Variants in UBE3C observed in about 807,000 individuals in gnomAD.
UBE3C encodes ubiquitin-protein ligase E3C.
Under a neutral mutation model 129.4 loss-of-function variants are expected in UBE3C, and 42 were observed. The observed-to-expected ratio is 0.32, with a 90% confidence interval of 0.25 to 0.42. UBE3C has a LOEUF of 0.42. Ranked by LOEUF, UBE3C falls within the 10% of genes least tolerant of loss-of-function variation. The pLI, the probability that UBE3C is intolerant of heterozygous loss-of-function variation, is 1.00. For synonymous variants in UBE3C, 510 were observed against 492.4 expected (o/e 1.04, Z -0.47); for missense variants, 1,049 against 1,319.1 (o/e 0.80, Z 3.17).
intron 1 of UBE3C, among the ~76,000 whole-genome samples, chr7:157,153,198 AAAAAC>A (rs796769924): frequency 1.7e-4 from 26 of 152,278 alleles, no homozygotes; most frequent in Middle Eastern, 3.4e-3. Flanking sequence ...ACTCCCTCTC[AAAAAC>A]AAAACAAAAC....
chr7:157,217,285 T>C (rs1181586180), intron 14 of UBE3C: 3 of 194,160 alleles, frequency 1.5e-5, no homozygotes, highest in Non-Finnish European at 3.1e-5. Flanking sequence ...ATATGTCTAG[T>C]ATTTAAAAGA....
chr7:157,262,326 T>C (rs1038650932), intron 22 of UBE3C, among the ~76,000 whole-genome samples: 1 of 151,448 alleles, frequency 6.6e-6, no homozygotes, highest in South Asian at 2.1e-4. Context: ...ATGCCACATA[T>C]ATATTTTTTA....
chr7:157,246,557 T>TG (rs990846383), intron 18 of UBE3C, among the ~76,000 whole-genome samples: 4 of 152,206 alleles, frequency 2.6e-5, no homozygotes, highest in African/African-American at 9.7e-5. Context: ...GGTAGCACCA[T>TG]AGCACTTGAA....
intron 18 of UBE3C, among the ~76,000 whole-genome samples, chr7:157,235,516 T>A (rs1796131804): frequency 2.0e-5 from 3 of 152,372 alleles, no homozygotes; most frequent in Admixed American, 2.0e-4. Context: ...CTCCTCTGTT[T>A]ATTGACATAT....
Position 157,186,912 on chromosome 7 carries a change from C to T in UBE3C, c.1222C>T (p.Leu408=), listed in dbSNP as rs1808821419. 1.2e-6 allele frequency: 2 copies of T among 1,614,162 alleles called. No individual in the cohort carries two copies. The highest frequency in any genetic ancestry group is 2.2e-5 in the East Asian group (1 of 44,872). The change falls in exon 10 of 23, where the codon CTG becomes TTG. Residue 408 remains leucine, a synonymous_variant. Transcript: ENST00000348165. ...GGACACAAAGCAGCAGACCAACACC[C>T]TGCTCAACCTGGTGTGGAGGGACTC... ...KLDTKQQTNT[L]LNLVWRDSAS... is the part of the protein sequence containing the mutation.
At chr7:157,190,003 G>A (rs1808912709) in intron 10 of UBE3C, among the ~76,000 whole-genome samples, 2 of 152,152 alleles carry the variant, frequency 1.3e-5, no homozygotes, top group South Asian at 4.1e-4. Context: ...GTTTCACCAT[G>A]TAGGCCAGGC....
chr7:157,174,300 G>A (rs771910833), intron 4 of UBE3C, among the ~76,000 whole-genome samples: 45 of 151,966 alleles, frequency 3.0e-4, no homozygotes, highest in African/African-American at 1.0e-3. Context: ...GAGAAATACC[G>A]TATTTCTCAT....
intron 22 of UBE3C, among the ~76,000 whole-genome samples, chr7:157,257,406 T>C (rs1796779775): frequency 6.6e-6 from 1 of 152,210 alleles, no homozygotes; most frequent in East Asian, 1.9e-4. Context: ...GAGATGTTGA[T>C]GGAGTGTATA....
chr7:157,264,965 A>G (rs1009642262), intron 22 of UBE3C, among the ~76,000 whole-genome samples: 2 of 152,112 alleles, frequency 1.3e-5, no homozygotes, highest in African/African-American at 2.4e-5. Flanking sequence ...ATTTTTCCTC[A>G]TGTTATTCTT....
intron 19 of UBE3C, among the ~76,000 whole-genome samples, chr7:157,253,099 T>A (rs1796659906): frequency 6.6e-6 from 1 of 152,242 alleles, no homozygotes. Context: ...TCTTTATAAA[T>A]TATGATTACA....
At chr7:157,151,290 C>T (rs1233775656) in intron 1 of UBE3C, among the ~76,000 whole-genome samples, 2 of 152,208 alleles carry the variant, frequency 1.3e-5, no homozygotes, top group Admixed American at 6.5e-5. Context: ...TGTGGTTTTC[C>T]TTCTTACCTC....
chr7:157,257,879 G>T (rs755568346), intron 22 of UBE3C, among the ~76,000 whole-genome samples: 10 of 150,088 alleles, frequency 6.7e-5, no homozygotes, highest in Non-Finnish European at 4.4e-5. Context: ...TATATAATTA[G>T]ATAAGTACTG....
In UBE3C at chr7:157,225,431, G is replaced by A; in HGVS notation, c.2125G>A (p.Asp709Asn). The A allele has an allele frequency of 1.9e-6, 3 of 1,605,790 alleles. No individual in the cohort carries two copies. The highest frequency in any genetic ancestry group is 2.5e-6 in the Non-Finnish European group (3 of 1,178,092). The change falls in exon 17 of 23, where the codon GAT (aspartate) becomes AAT (asparagine). Residue 709 changes from aspartate to asparagine, a missense_variant. Transcript: ENST00000348165. ...GATCTTTCAGAGGTTGATTTATGCA[G>A]ATAAGCAAGAAGTTCAAGGAGATGG... is the stretch of plus-strand genomic sequence containing the variant. ...VKIFQRLIYA[D>N]KQEVQGDGPF...
At chr7:157,206,293 C>T (rs768384991) in intron 11 of UBE3C, among the ~76,000 whole-genome samples, 14 of 152,290 alleles carry the variant, frequency 9.2e-5, no homozygotes, top group African/African-American at 2.6e-4. Context: ...AACGGAGTCT[C>T]GCCCTGTTGC....
chr7:157,226,835 C>A (rs1795892412), intron 17 of UBE3C, among the ~76,000 whole-genome samples: 1 of 151,908 alleles, frequency 6.6e-6, no homozygotes, highest in Non-Finnish European at 1.5e-5. Flanking sequence ...AGGCTGTGGC[C>A]TCTCCACAGG....
chr7:157,158,050 C>CTTTT (rs60257662), intron 1 of UBE3C, among the ~76,000 whole-genome samples: 2 of 101,120 alleles, frequency 2.0e-5, no homozygotes, highest in African/African-American at 4.1e-5. Flanking sequence ...CTCTTTTTTC[C>CTTTT]TTTTTTTTTT....
intron 10 of UBE3C, among the ~76,000 whole-genome samples, chr7:157,187,738 G>A (rs1038542112): frequency 1.3e-4 from 20 of 151,814 alleles, no homozygotes; most frequent in Admixed American, 3.3e-4. Flanking sequence ...CACCTCGCCC[G>A]GCTAATTTTT....
At chr7:157,178,665 G>A (rs1164084397) in intron 5 of UBE3C, 25 bp from the exon 6 acceptor site, 34 of 1,607,134 alleles carry the variant, frequency 2.1e-5, no homozygotes, top group Non-Finnish European at 2.6e-5. Context: ...CTGTAAGTGT[G>A]TGAATACTTT....
At chr7:157,194,136 C>G (rs1006644407) in intron 10 of UBE3C, among the ~76,000 whole-genome samples, 6 of 152,158 alleles carry the variant, frequency 3.9e-5, no homozygotes, top group African/African-American at 1.4e-4. Context: ...ATGATTTTGA[C>G]CCATGAAAAA....
Sources: allele counts gnomAD v4.1 joint callset (sites outside exome capture counted in the v4.1 genomes callset), GRCh38; gene constraint gnomAD v4.1.1; transcripts MANE v1.5; gene names NCBI Gene and HGNC (gene_info 2026-07-23, HGNC 2026-07-21).